RPSA2: variants seen among roughly 807,000 people sequenced by gnomAD.
RPSA2 encodes small ribosomal subunit protein uS2B.
chr19:23,823,281 ATTCT>A, the RPSA2 span, among the ~76,000 whole-genome samples: 4 of 152,202 alleles, frequency 2.6e-5, no homozygotes, highest in East Asian at 7.7e-4. Flanking sequence ...CAACACATTC[ATTCT>A]TCCTTTTGAT....
At chr19:23,799,766 G>T in the RPSA2 span, among the ~76,000 whole-genome samples, 2 of 151,968 alleles carry the variant, frequency 1.3e-5, no homozygotes, top group African/African-American at 4.8e-5. Context: ...CAGGCAGCTG[G>T]CTTCAAGTTG....
At chr19:23,762,440 C>G in the RPSA2 span, among the ~76,000 whole-genome samples, 2 of 151,688 alleles carry the variant, frequency 1.3e-5, no homozygotes, top group East Asian at 4.0e-4. Context: ...CTTTGGGAGG[C>G]TGAGGCGGGC....
At chr19:23,759,161 A>G in the RPSA2 span, among the ~76,000 whole-genome samples, 1 of 152,070 alleles carries the variant, frequency 6.6e-6, no homozygotes, top group African/African-American at 2.4e-5. Context: ...CATGCATTTC[A>G]AATAATATAC....
chr19:23,784,050 C>T, the RPSA2 span, among the ~76,000 whole-genome samples: 2 of 152,116 alleles, frequency 1.3e-5, no homozygotes, highest in Non-Finnish European at 2.9e-5. Flanking sequence ...TGTTCTCTAC[C>T]CACAGGTGGA....
At chr19:23,802,039 C>G in the RPSA2 span, among the ~76,000 whole-genome samples, 4 of 152,298 alleles carry the variant, frequency 2.6e-5, no homozygotes, top group East Asian at 7.7e-4. Flanking sequence ...CTGGAATTTA[C>G]AAGACAGGGC....
At chr19:23,824,040 T>A in the RPSA2 span, 1 of 152,070 alleles carries the variant, frequency 6.6e-6, no homozygotes, top group Non-Finnish European at 1.5e-5. Flanking sequence ...ACTGGCTCAG[T>A]GGATTCACAC....
the RPSA2 span, among the ~76,000 whole-genome samples, chr19:23,854,381 C>T: frequency 6.6e-6 from 1 of 152,188 alleles, no homozygotes; most frequent in African/African-American, 2.4e-5. Flanking sequence ...TGAAGGTGGA[C>T]AAGCATTGTA....
At chr19:23,837,466 T>C in the RPSA2 span, among the ~76,000 whole-genome samples, 46 of 118,996 alleles carry the variant, frequency 3.9e-4, no homozygotes, top group Admixed American at 2.7e-3. Flanking sequence ...CTTCGTATGA[T>C]TTTTTGAATT....
chr19:23,859,741 G>A, the RPSA2 span, among the ~76,000 whole-genome samples: 1 of 152,078 alleles, frequency 6.6e-6, no homozygotes, highest in Admixed American at 6.5e-5. Flanking sequence ...GTAATCGTTT[G>A]TCCAAAATTA....
At chr19:23,821,177 C>G in the RPSA2 span, among the ~76,000 whole-genome samples, 31 of 152,296 alleles carry the variant, frequency 2.0e-4, no homozygotes, top group African/African-American at 6.5e-4. Context: ...TAACTCAGTG[C>G]GATACTCAGG....
chr19:23,827,844 A>G, the RPSA2 span: 4 of 1,399,578 alleles, frequency 2.9e-6, no homozygotes, highest in South Asian at 1.2e-5. Flanking sequence ...GAGGAATTTC[A>G]GGGTGAATGG....
At chr19:23,867,693 G>A in the RPSA2 span, among the ~76,000 whole-genome samples, 3 of 152,118 alleles carry the variant, frequency 2.0e-5, no homozygotes, top group Non-Finnish European at 4.4e-5. Context: ...AGCCGGGCGT[G>A]GTGGCGGGCG....
chr19:23,771,877 C>G, the RPSA2 span, among the ~76,000 whole-genome samples: 3 of 152,202 alleles, frequency 2.0e-5, no homozygotes, highest in Admixed American at 2.0e-4. Context: ...GCCCTGCCCA[C>G]AGAGGTGTTA....
the RPSA2 span, among the ~76,000 whole-genome samples, chr19:23,780,640 C>CAAACAAAACAAAACA: frequency 6.7e-3 from 1,010 of 150,748 alleles, 8 homozygotes; most frequent in African/African-American, 0.019. Flanking sequence ...GACTCCGTCT[C>CAAACAAAACAAAACA]AAACAAAACA....
the RPSA2 span, among the ~76,000 whole-genome samples, chr19:23,783,670 G>T: frequency 6.6e-6 from 1 of 152,012 alleles, no homozygotes; most frequent in Admixed American, 6.6e-5. Context: ...CCTAGGGGTT[G>T]GAAAGTTTCT....
the RPSA2 span, among the ~76,000 whole-genome samples, chr19:23,773,291 A>T: frequency 3.5e-5 from 5 of 141,020 alleles, no homozygotes; most frequent in African/African-American, 5.3e-5. Context: ...TATATATCAA[A>T]TTTTTTTTTT....
chr19:23,781,759 T>C, the RPSA2 span, among the ~76,000 whole-genome samples: 1 of 152,212 alleles, frequency 6.6e-6, no homozygotes, highest in Non-Finnish European at 1.5e-5. Context: ...ATCCCTTGAC[T>C]CAGGACATGT....
chr19:23,845,254 T>C, the RPSA2 span, among the ~76,000 whole-genome samples: 1 of 72,784 alleles, frequency 1.4e-5, no homozygotes, highest in Admixed American at 1.9e-4. Flanking sequence ...TTTTATTTCA[T>C]TTGGTTCTGT....
At chr19:23,833,262 T>A in the RPSA2 span, 33 of 943,084 alleles carry the variant, frequency 3.5e-5, no homozygotes, top group Non-Finnish European at 4.4e-5. Context: ...TCCTTACAAC[T>A]TAATGCACAT....
Sources: allele counts gnomAD v4.1 joint callset (sites outside exome capture counted in the v4.1 genomes callset), GRCh38; gene constraint gnomAD v4.1.1; transcripts MANE v1.5; gene names NCBI Gene and HGNC (gene_info 2026-07-23, HGNC 2026-07-21).